The following DCAF6 variants were observed in gnomAD, a reference collection of about 807,000 sequenced individuals.
DCAF6 encodes the protein DDB1- and CUL4-associated factor 6.
DCAF6 carries 54 observed loss-of-function variants against 125.1 expected under a neutral mutation model. The observed-to-expected ratio is 0.43, with a 90% CI of 0.35 to 0.54. DCAF6 has a LOEUF of 0.54. Ranked by LOEUF, DCAF6 falls within the 20% of genes least tolerant of loss-of-function variation. The pLI is 0.01. For missense variants in DCAF6, 934 were observed against 1,161.7 expected, an observed-to-expected ratio of 0.80 and a Z score of 2.85; for synonymous variants, 371 against 390.4, an observed-to-expected ratio of 0.95 and a Z score of 0.58.
chr1:167,964,675 G>C (rs1304689518), intron 2 of DCAF6, among the ~76,000 whole-genome samples: 1 of 152,054 alleles, frequency 6.6e-6, no homozygotes, highest in Non-Finnish European at 1.5e-5. Flanking sequence ...TTATACATGA[G>C]TTATGCCTTT....
the DCAF6 span, among the ~76,000 whole-genome samples, chr1:167,919,751 T>G: frequency 6.6e-6 from 1 of 152,180 alleles, no homozygotes. Flanking sequence ...TTTTAGTCAG[T>G]TAACTAGTTA....
intron 10 of DCAF6, among the ~76,000 whole-genome samples, chr1:168,010,552 G>A (rs562044842): frequency 2.6e-5 from 4 of 151,824 alleles, no homozygotes; most frequent in East Asian, 1.9e-4. Flanking sequence ...TTGAAACCAC[G>A]TTCTATATAC....
chr1:167,867,191 C>A, the DCAF6 span, among the ~76,000 whole-genome samples: 5 of 152,156 alleles, frequency 3.3e-5, no homozygotes, highest in African/African-American at 9.7e-5. Flanking sequence ...GTGGGCCCAA[C>A]CTCCAAAACC....
rs1293061571 is a variant in DCAF6 at position 167,966,554 on chromosome 1, C to T, written c.160-75C>T. 25 of 945,724 alleles carry T rather than the reference C, an allele frequency of 2.6e-5. No homozygotes were observed. In the East Asian group the frequency reaches 2.9e-4, roughly 11 times the overall value. 58.6% of individuals were successfully genotyped at this position (945,724 alleles called of 1,614,324 possible). ...CTCATTAGTGGTAAAAATTTTGTAC[C>T]GCCAGGTGAGTGAAAGATGGCATAT... On this transcript the variant is annotated intron_variant, in intron 2 of 21. Coordinates refer to ENST00000367840, the MANE Select transcript of DCAF6 (RefSeq NM_001198956.2).
intron 5 of DCAF6, among the ~76,000 whole-genome samples, chr1:167,988,808 C>T (rs368043289): frequency 1.6e-3 from 236 of 152,140 alleles, no homozygotes; most frequent in African/African-American, 5.3e-3. Flanking sequence ...AGGCTGGGTG[C>T]GGTGGCTCAT....
At chr1:168,075,253 T>C (rs1165580983) in intron 21 of DCAF6, 118 bp from the exon 22 acceptor site, 4 of 868,368 alleles carry the variant, frequency 4.6e-6, no homozygotes. Context: ...TCTAAAGACA[T>C]CCACACATAG....
the DCAF6 span, among the ~76,000 whole-genome samples, chr1:167,869,109 T>A: frequency 6.6e-6 from 1 of 152,196 alleles, no homozygotes; most frequent in Non-Finnish European, 1.5e-5. Flanking sequence ...ATGACAAAAC[T>A]GGCACATATG....
At chr1:167,956,661 G>A (rs931305684) in intron 2 of DCAF6, among the ~76,000 whole-genome samples, 3 of 152,114 alleles carry the variant, frequency 2.0e-5, no homozygotes, top group Non-Finnish European at 4.4e-5. Flanking sequence ...TCATTGATAT[G>A]AGACCGTTGT....
rs2102713760 is a variant in DCAF6, at chr1:167,951,858, T to A, written c.156T>A (p.Gly52=). The A allele has an allele frequency of 1.2e-6, 2 of 1,602,372 alleles. No homozygotes were observed. The highest frequency in any genetic ancestry group is 2.2e-5 in the South Asian group (2 of 90,408). Residue 52 remains glycine (G), a synonymous_variant, in exon 2 of 22, where the codon GGT becomes GGA. Transcript: ENST00000367840. ...AAGCAACCCTTAATGTGCATGATGGTTGTGTAAGTAATAGTTAATTCTCAA... is the reference window on the plus strand; with the variant it reads ...AAGCAACCCTTAATGTGCATGATGGATGTGTAAGTAATAGTTAATTCTCAA... ...KLEATLNVHD[G]CVNTICWNDT...
chr1:167,875,168 G>T, the DCAF6 span: 1 of 1,614,090 alleles, frequency 6.2e-7, no homozygotes, highest in Non-Finnish European at 8.5e-7. Context: ...TGCAGATGAG[G>T]CACGCCATAC....
intron 4 of DCAF6, among the ~76,000 whole-genome samples, chr1:167,984,600 T>TA (rs1432597749): frequency 2.6e-5 from 4 of 152,208 alleles, no homozygotes; most frequent in Admixed American, 2.0e-4. Context: ...TTCTTACTGA[T>TA]AAAATAGTTT....
intron 2 of DCAF6, among the ~76,000 whole-genome samples, chr1:167,965,931 G>T (rs184175230): frequency 2.0e-5 from 3 of 151,976 alleles, no homozygotes; most frequent in Non-Finnish European, 4.4e-5. Context: ...CACCGCGCCC[G>T]GCCTTCCCTG....
intron 20 of DCAF6, among the ~76,000 whole-genome samples, chr1:168,068,136 G>A (rs1390662510): frequency 1.3e-5 from 2 of 152,068 alleles, no homozygotes; most frequent in African/African-American, 4.8e-5. Context: ...TTGTTTTTCT[G>A]CCATTTGAAA....
the DCAF6 span, among the ~76,000 whole-genome samples, chr1:167,923,702 A>G: frequency 1.2e-4 from 17 of 145,732 alleles, no homozygotes; most frequent in South Asian, 3.2e-3. Flanking sequence ...TACCACATTA[A>G]AAAAAAAAAA....
chr1:167,949,112 C>G (rs1362290565), intron 1 of DCAF6, among the ~76,000 whole-genome samples: 1 of 152,136 alleles, frequency 6.6e-6, no homozygotes, highest in Non-Finnish European at 1.5e-5. Context: ...AAGCAGTGTT[C>G]TTATGGAGTT....
At chr1:167,986,070 T>C (rs1409880142) in intron 4 of DCAF6, among the ~76,000 whole-genome samples, 1 of 152,324 alleles carries the variant, frequency 6.6e-6, no homozygotes, top group South Asian at 2.1e-4. Context: ...TTACTGATGA[T>C]TTAGTACTTT....
chr1:168,036,872 CT>C (rs1300541234), intron 12 of DCAF6, among the ~76,000 whole-genome samples: 1 of 152,118 alleles, frequency 6.6e-6, no homozygotes, highest in African/African-American at 2.4e-5. Flanking sequence ...AACAAAGTGA[CT>C]TTACCATTTG....
In DCAF6 at chr1:168,002,580, C is replaced by G; in HGVS notation, c.997+5C>G. On this transcript the variant is annotated splice_donor_5th_base_variant and intron_variant, in intron 8 of 21. Coordinates refer to ENST00000367840, the MANE Select transcript of DCAF6 (RefSeq NM_001198956.2). ...AGAGTGAACGAGAACGAGATGGTAACTATACTTTGGTCAGCTTTTCTTTGT... is the reference window on the plus strand; with the variant it reads ...AGAGTGAACGAGAACGAGATGGTAAGTATACTTTGGTCAGCTTTTCTTTGT... 1 of 1,610,364 alleles carries G rather than the reference C, an allele frequency of 6.2e-7. No individual in the cohort carries two copies. The highest frequency in any genetic ancestry group is 8.5e-7 in the Non-Finnish European group (1 of 1,177,398).
At chr1:168,044,852 G>A (rs373766337) in intron 15 of DCAF6, 48 bp from the exon 16 acceptor site, 57 of 1,577,780 alleles carry the variant, frequency 3.6e-5, no homozygotes, top group Non-Finnish European at 4.8e-5. Context: ...TAAATAATTA[G>A]TATTGCCCAC....
Sources: allele counts gnomAD v4.1 joint callset (sites outside exome capture counted in the v4.1 genomes callset), GRCh38; gene constraint gnomAD v4.1.1; transcripts MANE v1.5; gene names NCBI Gene and HGNC (gene_info 2026-07-23, HGNC 2026-07-21).